Variants in DNASE1 observed in about 807,000 individuals in gnomAD.
The protein encoded by DNASE1 is deoxyribonuclease 1, also known as deoxyribonuclease-1.
In DNASE1, 40 loss-of-function variants were observed where a neutral mutation model predicts 33.9. The observed-to-expected ratio is 1.18, with a 90% confidence interval of 0.92 to 1.54. The LOEUF (loss-of-function observed/expected upper bound fraction) is 1.54. DNASE1 is among the 40% of genes most tolerant of loss of function. The probability of loss-of-function intolerance (pLI) is 0.00; values close to 1 mark genes in which losing one functional copy is unlikely to be tolerated. For synonymous variants in DNASE1, 216 were observed against 160.0 expected, an observed-to-expected ratio of 1.35 and a Z score of -2.64; for missense variants, 518 against 372.6, an observed-to-expected ratio of 1.39 and a Z score of -3.21.
intron 1 of DNASE1, among the ~76,000 whole-genome samples, chr16:3,618,755 G>T (rs1596553328): frequency 6.6e-6 from 1 of 152,278 alleles, no homozygotes; most frequent in East Asian, 1.9e-4. Flanking sequence ...AAACAAAAAC[G>T]TGTACACCTC....
chr16:3,660,493 A>C (rs2043010064), downstream of DNASE1: 1 of 144,790 alleles, frequency 6.9e-6, no homozygotes, highest in Non-Finnish European at 1.5e-5. Context: ...GTGGCAACAG[A>C]CAGAAACGAG....
chr16:3,656,564 G>A (rs529383603), intron 4 of DNASE1, 74 bp from the exon 5 acceptor site: 17 of 1,344,418 alleles, frequency 1.3e-5, no homozygotes, highest in Middle Eastern at 2.2e-4. Context: ...GGGACGCGAC[G>A]CCTGCCTCCT....
At position 3,657,036 on chromosome 16, in the gene DNASE1, C is replaced by G. The variant is rs1200015116; in HGVS notation, c.474C>G (p.Ala158=). The part of the protein sequence containing the change: ...REFAIVPLHA[A]PGDAVAEIDA... ...TTGCCATTGTTCCCCTGCATGCGGCCCCGGGGGACGCAGTAGCCGAGATCG... is the reference window on the plus strand; with the variant it reads ...TTGCCATTGTTCCCCTGCATGCGGCGCCGGGGGACGCAGTAGCCGAGATCG... Residue 158 remains alanine (A), a synonymous_variant, in exon 6 of 9, where the codon GCC becomes GCG. Coordinates refer to ENST00000246949, the MANE Select transcript of DNASE1 (RefSeq NM_005223.4). 1 of 1,613,622 alleles carries G rather than the reference C, an allele frequency of 6.2e-7. No individual in the cohort carries two copies. The highest frequency in any genetic ancestry group is 1.7e-5 in the Admixed American group (1 of 59,988).
At chr16:3,656,605 G>C (rs767291168) in intron 4 of DNASE1, 33 bp from the exon 5 acceptor site, 23 of 1,571,228 alleles carry the variant, frequency 1.5e-5, no homozygotes, top group Non-Finnish European at 2.0e-5. Flanking sequence ...CTTCCAGCCT[G>C]GGGTCACCTC....
chr16:3,640,350 C>T (rs886738149), upstream of DNASE1, among the ~76,000 whole-genome samples: 3 of 152,246 alleles, frequency 2.0e-5, no homozygotes, highest in Non-Finnish European at 4.4e-5. Flanking sequence ...TAGCAGCAGC[C>T]TTGGCCTCCC....
intron 1 of DNASE1, among the ~76,000 whole-genome samples, chr16:3,637,178 G>GT (rs1319538757): frequency 6.6e-6 from 1 of 152,100 alleles, no homozygotes; most frequent in Non-Finnish European, 1.5e-5. Context: ...TTTGGTGTGA[G>GT]TTTTTTAGTT....
chr16:3,633,346 C>T (rs1305560376), intron 1 of DNASE1, among the ~76,000 whole-genome samples: 2 of 152,174 alleles, frequency 1.3e-5, no homozygotes, highest in African/African-American at 4.8e-5. Flanking sequence ...GTGGCCCATG[C>T]CTGTAATCCC....
chr16:3,622,796 G>GT lies in DNASE1; in HGVS notation c.-1359+10796dup, dbSNP rs1248857306. On this transcript the variant is annotated intron_variant and NMD_transcript_variant, in intron 1 of 11. Transcript: ENST00000570769. ...AATTTTTTCCATGTAGAGCTTTACA[G>GT]TTTTTTGTAGTAAAATAACTTTTCT... is the stretch of plus-strand genomic sequence containing the variant. Among the ~76,000 whole-genome samples, 5 of 152,234 alleles carry GT rather than the reference G, an allele frequency of 3.3e-5. No individual in the cohort carries two copies. In the East Asian group the frequency reaches 7.7e-4, roughly 23 times the overall value.
At chr16:3,649,301 T>G (rs776118864) in intron 1 of DNASE1, among the ~76,000 whole-genome samples, 2 of 152,254 alleles carry the variant, frequency 1.3e-5, no homozygotes, top group Admixed American at 1.3e-4. Context: ...TATGGGTTAC[T>G]GGGCAGTCCT....
At chr16:3,651,572 A>C (rs2042337431), upstream of DNASE1, 2 of 152,318 alleles carry the variant, frequency 1.3e-5, no homozygotes, top group Admixed American at 6.5e-5. Context: ...ACAGCTCGAC[A>C]GCACCCATGG....
At chr16:3,639,996 C>T (rs368203868), upstream of DNASE1, among the ~76,000 whole-genome samples, 64 of 152,316 alleles carry the variant, frequency 4.2e-4, 1 homozygote, top group South Asian at 0.013. Flanking sequence ...TTGGAAGCAG[C>T]GATCCTTTAG....
chr16:3,659,015 A>G, downstream of DNASE1: 1 of 753,390 alleles, frequency 1.3e-6, no homozygotes, highest in Non-Finnish European at 2.1e-6. Flanking sequence ...ATTTATAGAT[A>G]ATATCATTAT....
upstream of DNASE1, among the ~76,000 whole-genome samples, chr16:3,639,420 C>T (rs1288351288): frequency 6.6e-6 from 1 of 152,206 alleles, no homozygotes; most frequent in African/African-American, 2.4e-5. Flanking sequence ...CCCCGGCTTT[C>T]CAGCACTCCT....
chr16:3,661,033 T>C (rs1280890611), downstream of DNASE1: 1 of 152,200 alleles, frequency 6.6e-6, no homozygotes, highest in Non-Finnish European at 1.5e-5. Flanking sequence ...TGTAACTTCA[T>C]TTTTTAAAAA....
intron 1 of DNASE1, among the ~76,000 whole-genome samples, chr16:3,646,630 T>C (rs186697013): frequency 1.1e-4 from 17 of 152,142 alleles, no homozygotes; most frequent in African/African-American, 2.4e-4. Context: ...ATGGAAAGCA[T>C]TGGATTTCGT....
Position 3,655,833 on chromosome 16 carries a change from G to A in DNASE1, c.148-16G>A. On this transcript the variant is annotated splice_polypyrimidine_tract_variant and intron_variant, in intron 2 of 8. Transcript: ENST00000246949. ...GGCACCAGCCCTGCTCAGCACCACT[G>A]TGGCCCTGCCCCCAGATCCTGAGCC... The A allele has an allele frequency of 5.0e-6, 8 of 1,613,162 alleles. No individual in the cohort carries two copies. The highest frequency in any genetic ancestry group is 6.8e-6 in the Non-Finnish European group (8 of 1,179,970).
At chr16:3,612,041 G>C (rs907284130) in intron 1 of DNASE1, 6 of 152,304 alleles carry the variant, frequency 3.9e-5, no homozygotes, top group African/African-American at 1.5e-4. Flanking sequence ...CTGGAGGTCG[G>C]GGAGGGTTAG....
At chr16:3,657,667 G>A in intron 7 of DNASE1, 53 bp from the exon 8 acceptor site, 2 of 1,608,246 alleles carry the variant, frequency 1.2e-6, no homozygotes, top group Non-Finnish European at 1.7e-6. Flanking sequence ...CGGGTGCTGA[G>A]CCAGGCCCAT....
At position 3,655,378 on chromosome 16, in the gene DNASE1, G is replaced by C. The variant is rs578133143; in HGVS notation, c.5G>C (p.Arg2Thr). 6.2e-7 allele frequency: 1 copy of C among 1,614,160 alleles called. No homozygotes were observed. Among genetic ancestry groups the C allele is most frequent in the African/African-American group, 1.3e-5 (1 of 75,064 alleles). Residue 2 changes from arginine to threonine, a missense_variant, in exon 2 of 9, where the codon AGG (arginine) becomes ACG (threonine). Coordinates refer to ENST00000246949, the MANE Select transcript of DNASE1 (RefSeq NM_005223.4). ...TGTGCCCTGTGCTCTCCCAGGATGAGGGGCATGAAGCTGCTGGGGGCGCTG... is the reference window on the plus strand; with the variant it reads ...TGTGCCCTGTGCTCTCCCAGGATGACGGGCATGAAGCTGCTGGGGGCGCTG... The part of the protein sequence containing the change: M[R>T]GMKLLGALLA...
Sources: allele counts gnomAD v4.1 joint callset (sites outside exome capture counted in the v4.1 genomes callset), GRCh38; gene constraint gnomAD v4.1.1; transcripts MANE v1.5; gene names NCBI Gene and HGNC (gene_info 2026-07-23, HGNC 2026-07-21).